Variants in DMD observed in about 807,000 individuals in gnomAD.
The protein encoded by DMD is mutant dystrophin.
Under a neutral mutation model 330.1 loss-of-function variants are expected in DMD, and 63 were observed. The ratio of observed to expected loss-of-function variants is 0.19; its 90% CI spans 0.16 to 0.24. DMD has a LOEUF of 0.24. DMD is among the 10% of genes least tolerant of loss of function. DMD has a pLI of 1.00. For synonymous variants in DMD, 1,223 were observed against 959.8 expected (o/e 1.27, Z -5.07); for missense variants, 3,344 against 2,684.1 (o/e 1.25, Z -5.43).
chrX:33,083,111 C>T (rs2094954775), intron 1 of DMD, among the ~76,000 whole-genome samples: 1 of 111,735 alleles, frequency 8.9e-6, no homozygotes, highest in South Asian at 3.8e-4. Context: ...GCTGGGATGC[C>T]AGGTTTCTGG....
intron 44 of DMD, among the ~76,000 whole-genome samples, chrX:32,180,590 C>T (rs1443924789): frequency 1.8e-5 from 2 of 111,310 alleles, no homozygotes; most frequent in East Asian, 2.8e-4. Context: ...CTGAGAGACA[C>T]GTCTCTATTA....
At chrX:32,684,542 G>A (rs2147371646) in intron 9 of DMD, among the ~76,000 whole-genome samples, 1 of 111,317 alleles carries the variant, frequency 9.0e-6, no homozygotes, top group Admixed American at 9.6e-5. Context: ...AAAAAATTAT[G>A]CACCAGAAGG....
At chrX:31,829,404 T>C (rs1426369336) in intron 49 of DMD, among the ~76,000 whole-genome samples, 3 of 110,128 alleles carry the variant, frequency 2.7e-5, no homozygotes, top group Admixed American at 9.8e-5. Context: ...AAATATAACT[T>C]GTACCGCACA....
intron 43 of DMD, among the ~76,000 whole-genome samples, chrX:32,257,009 T>C (rs777385532): frequency 8.1e-5 from 9 of 111,500 alleles, no homozygotes; most frequent in African/African-American, 2.9e-4. Flanking sequence ...CAAGCATTCC[T>C]ATACACCAAG....
At chrX:31,231,983 G>A (rs1038439218) in intron 63 of DMD, among the ~76,000 whole-genome samples, 6 of 108,049 alleles carry the variant, frequency 5.6e-5, no homozygotes, top group Admixed American at 3.0e-4. Context: ...ACATAGGTCC[G>A]AGAGGCTTCT....
intron 55 of DMD, among the ~76,000 whole-genome samples, chrX:31,556,505 G>C (rs1182818339): frequency 3.4e-4 from 33 of 98,256 alleles, no homozygotes; most frequent in African/African-American, 1.2e-3. Flanking sequence ...GACTTCCTGT[G>C]AAGTGAAAAA....
chrX:31,728,963 C>G (rs188825390), intron 52 of DMD, among the ~76,000 whole-genome samples: 2 of 110,868 alleles, frequency 1.8e-5, no homozygotes, highest in Admixed American at 9.6e-5. Context: ...GCGAGTTTCC[C>G]CTACTCCTTC....
intron 11 of DMD, among the ~76,000 whole-genome samples, chrX:32,640,770 T>C (rs978697967): frequency 2.7e-5 from 3 of 111,619 alleles, no homozygotes; most frequent in Non-Finnish European, 5.7e-5. Context: ...ATAACTGTCC[T>C]CTCTTCCTCC....
intron 44 of DMD, among the ~76,000 whole-genome samples, chrX:32,088,222 C>T (rs1294982086): frequency 8.9e-6 from 1 of 111,865 alleles, no homozygotes; most frequent in Non-Finnish European, 1.9e-5. Context: ...ATATCAGGCA[C>T]TGTGCTAAAC....
At chrX:31,728,241 G>A (rs773115692) in intron 52 of DMD, among the ~76,000 whole-genome samples, 2 of 111,811 alleles carry the variant, frequency 1.8e-5, no homozygotes, top group South Asian at 7.5e-4. Flanking sequence ...TAGCCAGGAT[G>A]GTCTCGATCT....
intron 6 of DMD, among the ~76,000 whole-genome samples, chrX:32,815,190 G>A (rs2077635102): frequency 9.1e-6 from 1 of 109,571 alleles, no homozygotes; most frequent in Non-Finnish European, 1.9e-5. Context: ...CAAGACACCT[G>A]ACAAAGATGC....
At chrX:32,536,099 T>A (rs1313235272) in intron 17 of DMD, among the ~76,000 whole-genome samples, 1 of 109,435 alleles carries the variant, frequency 9.1e-6, no homozygotes, top group Non-Finnish European at 1.9e-5. Flanking sequence ...ACCCCATCTC[T>A]ACTAAAAATA....
chrX:32,852,800 C>T (rs1271042181), intron 2 of DMD, among the ~76,000 whole-genome samples: 5 of 110,918 alleles, frequency 4.5e-5, no homozygotes, highest in Non-Finnish European at 3.8e-5. Context: ...GGGAAAAATT[C>T]CTCTGCTTAT....
At chrX:33,129,423 A>G (rs1179098398) in intron 1 of DMD, among the ~76,000 whole-genome samples, 1 of 102,211 alleles carries the variant, frequency 9.8e-6, no homozygotes, top group African/African-American at 3.6e-5. Context: ...CCAAAAGCAT[A>G]CAATATAAAG....
At chrX:31,330,161 A>G (rs2057033508) in intron 61 of DMD, among the ~76,000 whole-genome samples, 1 of 107,525 alleles carries the variant, frequency 9.3e-6, no homozygotes, top group African/African-American at 3.4e-5. Context: ...AATTACATAT[A>G]TTAAATATGC....
At chrX:32,472,123 T>C in intron 22 of DMD, 41 bp downstream of exon 22, 7 of 1,195,330 alleles carry the variant, frequency 5.9e-6, no homozygotes, top group Admixed American at 2.2e-5. Flanking sequence ...GAATGCTTGA[T>C]AAGCGTGCTT....
intron 60 of DMD, among the ~76,000 whole-genome samples, chrX:31,386,690 GATGA>G (rs768895392): frequency 8.9e-6 from 1 of 112,288 alleles, no homozygotes; most frequent in African/African-American, 3.2e-5. Context: ...CTGACTGTAT[GATGA>G]ATGAATGAAC....
intron 61 of DMD, among the ~76,000 whole-genome samples, chrX:31,346,539 A>G (rs1255407613): frequency 2.7e-5 from 3 of 111,632 alleles, no homozygotes; most frequent in African/African-American, 9.8e-5. Context: ...ATAAATTAAC[A>G]TTAATCAGAG....
intron 2 of DMD, among the ~76,000 whole-genome samples, chrX:32,925,283 A>G (rs1215132513): frequency 9.3e-6 from 1 of 107,834 alleles, no homozygotes; most frequent in East Asian, 2.9e-4. Flanking sequence ...ACCTCAGTAG[A>G]TACTAACGTT....
Sources: gnomAD v4.1 joint callset for allele counts (sites outside exome capture counted in the v4.1 genomes callset) on GRCh38, gnomAD v4.1.1 for gene constraint, MANE v1.5 for transcripts, NCBI Gene and HGNC (gene_info 2026-07-23, HGNC 2026-07-21) for gene names.